Variants in PAWR observed in about 807,000 individuals in gnomAD.
PAWR encodes pro-apoptotic WT1 regulator.
PAWR carries 23 observed loss-of-function variants against 32.0 expected under a neutral mutation model. The observed-to-expected ratio is 0.72, with a 90% CI of 0.52 to 1.02. The LOEUF (loss-of-function observed/expected upper bound fraction) is 1.02. Among genes scored for constraint, PAWR ranks in the 50% least tolerant of loss-of-function variants. The pLI, the probability that PAWR is intolerant of heterozygous loss-of-function variation, is 0.00. For synonymous variants in PAWR, 226 were observed against 187.1 expected (o/e 1.21, Z -1.70); for missense variants, 457 against 437.7 (o/e 1.04, Z -0.39).
At chr12:79,619,190 C>A (rs1292498917) in intron 3 of PAWR, among the ~76,000 whole-genome samples, 2 of 152,152 alleles carry the variant, frequency 1.3e-5, no homozygotes, top group African/African-American at 4.8e-5. Flanking sequence ...TCGCCCAGGG[C>A]CTGAATCATC....
Position 79,585,324 on chromosome 12 carries a change from T to A in PAWR, c.*7283A>T, listed in dbSNP as rs1416099685. On this transcript the variant is annotated 3_prime_UTR_variant, in exon 7 of 7. Transcript: ENST00000328827. ...GCTTGTTAAAACAGATTGAGCCCCA[T>A]CTGCAAAGTTTGTGACTCAAGTGTT... 1 of 240,306 alleles carries A rather than the reference T, an allele frequency of 4.2e-6. No individual in the cohort carries two copies. Among genetic ancestry groups the A allele is most frequent in the African/African-American group, 2.3e-5 (1 of 42,998 alleles). 14.9% of individuals were successfully genotyped at this position (240,306 alleles called of 1,614,324 possible). A position where few individuals can be genotyped will look rare whatever the true frequency, so the allele number is the denominator to read the frequency against.
intron 2 of PAWR, among the ~76,000 whole-genome samples, chr12:79,666,399 T>G (rs1259606635): frequency 6.6e-6 from 1 of 152,148 alleles, no homozygotes; most frequent in African/African-American, 2.4e-5. Flanking sequence ...AATACCACCA[T>G]TTTGCAACCA....
At chr12:79,637,609 G>A (rs1343134648) in intron 2 of PAWR, among the ~76,000 whole-genome samples, 1 of 151,194 alleles carries the variant, frequency 6.6e-6, no homozygotes, top group Non-Finnish European at 1.5e-5. Context: ...GAAAAGAACT[G>A]GGCATAATAA....
chr12:79,639,880 CT>C (rs111774694), intron 2 of PAWR, among the ~76,000 whole-genome samples: 3,026 of 71,296 alleles, frequency 0.042, 110 homozygotes, highest in East Asian at 0.19. Context: ...ATTCCTATTC[CT>C]ATTCCATTCC....
intron 5 of PAWR, among the ~76,000 whole-genome samples, chr12:79,596,138 T>C (rs1873739590): frequency 6.6e-6 from 1 of 152,222 alleles, no homozygotes; most frequent in Non-Finnish European, 1.5e-5. Context: ...TGAGACCCTA[T>C]GGTTAATAAA....
At chr12:79,617,449 C>T (rs1433777277) in intron 3 of PAWR, among the ~76,000 whole-genome samples, 1 of 152,048 alleles carries the variant, frequency 6.6e-6, no homozygotes, top group Admixed American at 6.6e-5. Context: ...TGGGAGTCTT[C>T]TTATGCATGT....
At chr12:79,689,603 T>A (rs535537940) in intron 2 of PAWR, 126 bp downstream of exon 2, 1 of 1,076,168 alleles carries the variant, frequency 9.3e-7, no homozygotes, top group African/African-American at 1.7e-5. Context: ...CCTGCCTAAC[T>A]CGGTGAAGGG....
chr12:79,617,355 A>C (rs564658974), intron 3 of PAWR, among the ~76,000 whole-genome samples: 2 of 152,304 alleles, frequency 1.3e-5, no homozygotes, highest in East Asian at 3.9e-4. Flanking sequence ...CCGTCTCAAA[A>C]AACAACAACA....
intron 2 of PAWR, among the ~76,000 whole-genome samples, chr12:79,642,553 T>C (rs553883269): frequency 1.3e-5 from 2 of 152,224 alleles, no homozygotes; most frequent in East Asian, 3.9e-4. Flanking sequence ...TTCTTTCTCA[T>C]TGTATCTTCA....
intron 2 of PAWR, among the ~76,000 whole-genome samples, chr12:79,648,572 A>G (rs1227484841): frequency 6.6e-6 from 1 of 151,412 alleles, no homozygotes; most frequent in African/African-American, 2.4e-5. Flanking sequence ...CGCTTGAGCA[A>G]AAGAGTTCAA....
In PAWR at chr12:79,592,328, T is replaced by C; in HGVS notation, c.*279A>G. ...AAATATATTCAAACGGCTGTGACTTTAAACCATGTATTAGTTGAATACCAC... is the reference window on the plus strand; with the variant it reads ...AAATATATTCAAACGGCTGTGACTTCAAACCATGTATTAGTTGAATACCAC... On this transcript the variant is annotated 3_prime_UTR_variant, in exon 7 of 7. Transcript: ENST00000328827. 1 of 315,786 alleles carries C rather than the reference T, an allele frequency of 3.2e-6. No individual in the cohort carries two copies. The highest frequency in any genetic ancestry group is 5.8e-6 in the Non-Finnish European group (1 of 173,386). 19.6% of individuals were successfully genotyped at this position (315,786 alleles called of 1,614,324 possible).
chr12:79,595,890 AAAT>A, intron 5 of PAWR, among the ~76,000 whole-genome samples: 1 of 152,248 alleles, frequency 6.6e-6, no homozygotes, highest in East Asian at 1.9e-4. Flanking sequence ...TAAAACTATG[AAAT>A]AATAATTCCA....
Position 79,613,582 on chromosome 12 carries a change from A to G in PAWR, c.676T>C (p.Tyr226His). 1 of 1,542,764 alleles carries G rather than the reference A, an allele frequency of 6.5e-7. No individual in the cohort carries two copies. Among genetic ancestry groups the G allele is most frequent in the Non-Finnish European group, 8.9e-7 (1 of 1,120,628 alleles). ...QEPPRTVSGR[Y>H]KSTTSVSEED... ...AGTCATAAGGATTCTTACCTTTTAT[A>G]TCTGCCTGAAACTGTTCTAGGTGGC... Residue 226 changes from tyrosine to histidine, a missense_variant, in exon 4 of 7, where the codon TAT becomes CAT. Coordinates refer to ENST00000328827, the MANE Select transcript of PAWR (RefSeq NM_002583.4).
intron 3 of PAWR, 50 bp from the exon 4 acceptor site, chr12:79,613,659 T>G: frequency 1.1e-6 from 1 of 927,036 alleles, no homozygotes; most frequent in Non-Finnish European, 1.7e-6. Context: ...ATGTACACAA[T>G]TACTTATTAT....
At chr12:79,645,371 AG>A (rs540284766) in intron 2 of PAWR, among the ~76,000 whole-genome samples, 62 of 152,304 alleles carry the variant, frequency 4.1e-4, no homozygotes, top group African/African-American at 1.4e-3. Flanking sequence ...TGATGAACAG[AG>A]GAAGTTTGGG....
chr12:79,682,689 T>C (rs760593218), intron 2 of PAWR, among the ~76,000 whole-genome samples: 44 of 152,224 alleles, frequency 2.9e-4, no homozygotes, highest in Non-Finnish European at 5.6e-4. Flanking sequence ...CCTGTGTATT[T>C]TTACATAGCC....
At chr12:79,666,738 G>T (rs1592543771) in intron 2 of PAWR, among the ~76,000 whole-genome samples, 1 of 152,056 alleles carries the variant, frequency 6.6e-6, no homozygotes, top group Non-Finnish European at 1.5e-5. Flanking sequence ...AACATGCAGT[G>T]GGCTTTTTTT....
chr12:79,657,799 A>G (rs1877168080), intron 2 of PAWR, among the ~76,000 whole-genome samples: 1 of 152,182 alleles, frequency 6.6e-6, no homozygotes, highest in Admixed American at 6.5e-5. Flanking sequence ...GTCTCAAAAA[A>G]AAAAAAAGAT....
chr12:79,588,742 A>G lies in PAWR; in HGVS notation c.*3865T>C, dbSNP rs1183309550. On this transcript the variant is annotated 3_prime_UTR_variant, in exon 7 of 7. Transcript: ENST00000328827. ...CATACTATATTCCTCTCACATAGAC[A>G]TAGTTATTTTTAGTGGGGATAAGGA... The G allele has an allele frequency of 6.6e-6, 1 of 152,032 alleles. No homozygotes were observed. Among genetic ancestry groups the G allele is most frequent in the Non-Finnish European group, 1.5e-5 (1 of 67,890 alleles). The allele number at this position is 152,032 out of a possible 1,614,324, so 9.4% of individuals were successfully genotyped here. A position where few individuals can be genotyped will look rare whatever the true frequency, so the allele number is the denominator to read the frequency against.
Sources: gnomAD v4.1 joint callset for allele counts (sites outside exome capture counted in the v4.1 genomes callset) on GRCh38, gnomAD v4.1.1 for gene constraint, MANE v1.5 for transcripts, NCBI Gene and HGNC (gene_info 2026-07-23, HGNC 2026-07-21) for gene names.